Variants in CAMTA1 observed in about 807,000 individuals in gnomAD.
CAMTA1 encodes calmodulin-binding transcription activator 1.
CAMTA1 carries 27 observed loss-of-function variants against 170.9 expected under a neutral mutation model. The observed-to-expected ratio is 0.16, with a 90% CI of 0.12 to 0.22. The LOEUF (loss-of-function observed/expected upper bound fraction) is 0.22. Ranked by LOEUF, CAMTA1 falls within the 10% of genes least tolerant of loss-of-function variation. The pLI, the probability that CAMTA1 is intolerant of heterozygous loss-of-function variation, is 1.00. For synonymous variants in CAMTA1, 833 were observed against 891.5 expected, an observed-to-expected ratio of 0.93 and a Z score of 1.17; for missense variants, 1,619 against 2,217.2, an observed-to-expected ratio of 0.73 and a Z score of 5.42.
Position 7,456,615 on chromosome 1 carries a change from C to T in CAMTA1, c.439-11215C>T, listed in dbSNP as rs141726397. The stretch of plus-strand genomic sequence containing the variant: ...CCGCAGATCCCAGCAGCCTGGCACA[C>T]CCAGCTCAGAGAAAGCCTGTTCTTT... On this transcript the variant is annotated intron_variant, in intron 5 of 22. Transcript: ENST00000303635. This position sits in a 1 kb window ranked among gnomAD's most constrained non-coding sequence, Gnocchi z 4.9. Among the ~76,000 whole-genome samples, 20 of 152,336 alleles carry T rather than the reference C, an allele frequency of 1.3e-4. 1 individual carries two copies. Among genetic ancestry groups the T allele is most frequent in the African/African-American group, 4.8e-4 (20 of 41,584 alleles).
chr1:7,509,734 C>G (rs551045428), intron 6 of CAMTA1, among the ~76,000 whole-genome samples: 17 of 152,138 alleles, frequency 1.1e-4, no homozygotes, highest in Non-Finnish European at 1.9e-4. Context: ...CTTCCATGCC[C>G]CCAGGTGGGG....
intron 4 of CAMTA1, among the ~76,000 whole-genome samples, chr1:7,186,866 T>C (rs937452877): frequency 6.6e-6 from 1 of 152,012 alleles, no homozygotes. Flanking sequence ...CAGGTAAATA[T>C]TTCCTGGTGA....
At chr1:7,090,278 A>T (rs1047737342) in intron 3 of CAMTA1, among the ~76,000 whole-genome samples, 1 of 152,104 alleles carries the variant, frequency 6.6e-6, no homozygotes, top group Non-Finnish European at 1.5e-5. Context: ...TGTCAACTCC[A>T]TTATGTCCCA....
At chr1:6,855,373 G>A (rs1230156445) in intron 3 of CAMTA1, among the ~76,000 whole-genome samples, 1 of 151,606 alleles carries the variant, frequency 6.6e-6, no homozygotes, top group Non-Finnish European at 1.5e-5. Context: ...GCCGGCATCT[G>A]CTTGGATTCT....
intron 4 of CAMTA1, among the ~76,000 whole-genome samples, chr1:7,178,627 C>A (rs910364323): frequency 6.6e-6 from 1 of 152,180 alleles, no homozygotes; most frequent in African/African-American, 2.4e-5. Context: ...GAGAGGATGC[C>A]TCTCTGCCTT....
intron 6 of CAMTA1, among the ~76,000 whole-genome samples, chr1:7,552,590 C>T (rs1407426356): frequency 1.3e-5 from 2 of 152,250 alleles, no homozygotes; most frequent in Non-Finnish European, 2.9e-5. Flanking sequence ...CTTCAGGCCG[C>T]AGCCACTGTG....
intron 3 of CAMTA1, among the ~76,000 whole-genome samples, chr1:7,013,293 C>T (rs1485927446): frequency 7.1e-6 from 1 of 139,960 alleles, no homozygotes; most frequent in Non-Finnish European, 1.5e-5. Context: ...TGTTATCTCA[C>T]TGCAACCTCT....
chr1:7,411,176 C>T (rs1234207749), intron 5 of CAMTA1, among the ~76,000 whole-genome samples: 2 of 152,184 alleles, frequency 1.3e-5, no homozygotes, highest in African/African-American at 2.4e-5. Flanking sequence ...CAGGTCCTCA[C>T]ACTCTTTCCA....
At chr1:7,591,604 C>A (rs1186943866) in intron 6 of CAMTA1, among the ~76,000 whole-genome samples, 1 of 152,222 alleles carries the variant, frequency 6.6e-6, no homozygotes, top group African/African-American at 2.4e-5. Context: ...GGGAAACCCT[C>A]CCATTTGGAG....
chr1:7,200,333 A>G (rs1031760032), intron 4 of CAMTA1, among the ~76,000 whole-genome samples: 1 of 152,274 alleles, frequency 6.6e-6, no homozygotes, highest in Non-Finnish European at 1.5e-5. Flanking sequence ...ACATAACCAC[A>G]GTACAAATAT....
intron 3 of CAMTA1, among the ~76,000 whole-genome samples, chr1:6,930,695 C>T (rs1219894027): frequency 6.6e-6 from 1 of 152,226 alleles, no homozygotes; most frequent in African/African-American, 2.4e-5. Flanking sequence ...CCACACCCCT[C>T]TTGGGGAGCA....
rs560601485 is a variant in CAMTA1 at position 6,901,568 on chromosome 1, C to G, written c.234+76358C>G. ...ATTTAAAAATGGGCAAGAGAGTTCT[C>G]TAGACATCTTAGGATACACAGATGG... On this transcript the variant is annotated intron_variant, in intron 3 of 22. Transcript: ENST00000303635. 4.6e-5 allele frequency among the ~76,000 whole-genome samples: 7 copies of G among 152,310 alleles called. No individual in the cohort carries two copies. In the South Asian group the frequency reaches 1.2e-3, roughly 27 times the overall value.
chr1:7,100,546 G>T (rs1354429297), intron 4 of CAMTA1, among the ~76,000 whole-genome samples: 1 of 152,184 alleles, frequency 6.6e-6, no homozygotes, highest in Non-Finnish European at 1.5e-5. Context: ...TCTGCAGAAA[G>T]AAATGCCTCA....
chr1:7,503,415 G>A (rs1461548100), intron 6 of CAMTA1, among the ~76,000 whole-genome samples: 5 of 152,210 alleles, frequency 3.3e-5, no homozygotes, highest in Non-Finnish European at 7.3e-5. Flanking sequence ...TGGGTCCTGG[G>A]GTAATACAGC....
At chr1:7,440,388 G>T (rs2092486081) in intron 5 of CAMTA1, among the ~76,000 whole-genome samples, 3 of 152,268 alleles carry the variant, frequency 2.0e-5, no homozygotes, top group Admixed American at 1.3e-4. Flanking sequence ...TGGGAAGGAG[G>T]CCTGGCCGGG....
chr1:7,466,187 G>A (rs2093207204), intron 5 of CAMTA1, among the ~76,000 whole-genome samples: 1 of 152,254 alleles, frequency 6.6e-6, no homozygotes, highest in Non-Finnish European at 1.5e-5. Flanking sequence ...TCGGCAAGGA[G>A]TGAGTTATCA....
chr1:7,723,554 T>C (rs2096663120), intron 11 of CAMTA1, among the ~76,000 whole-genome samples: 1 of 152,320 alleles, frequency 6.6e-6, no homozygotes, highest in South Asian at 2.1e-4. Context: ...GGACTGGACT[T>C]AGTGACTTAG....
chr1:6,795,533 T>C (rs1337775999), intron 1 of CAMTA1, among the ~76,000 whole-genome samples: 2 of 152,220 alleles, frequency 1.3e-5, no homozygotes, highest in South Asian at 2.1e-4. Flanking sequence ...AAAATAATTA[T>C]GTGGTTTAGA....
chr1:7,553,602 T>G (rs2150200287), intron 6 of CAMTA1, among the ~76,000 whole-genome samples: 1 of 152,358 alleles, frequency 6.6e-6, no homozygotes. Context: ...CAGAGGTGAC[T>G]GCACAGATTT....
Sources: allele counts gnomAD v4.1 joint callset (sites outside exome capture counted in the v4.1 genomes callset), GRCh38; gene constraint gnomAD v4.1.1; non-coding constraint Gnocchi (gnomAD v3.1); transcripts MANE v1.5; gene names NCBI Gene and HGNC (gene_info 2026-07-23, HGNC 2026-07-21).